The following FAM53C variants were observed in gnomAD, a reference collection of about 807,000 sequenced individuals.
FAM53C encodes the protein protein FAM53C.
FAM53C carries 10 observed loss-of-function variants against 34.7 expected under a neutral mutation model. The observed-to-expected ratio is 0.29, with a 90% confidence interval of 0.18 to 0.49. FAM53C has a LOEUF of 0.49. FAM53C is among the 20% of genes least tolerant of loss of function. The pLI, the probability that FAM53C is intolerant of heterozygous loss-of-function variation, is 0.99. For missense variants in FAM53C, 442 were observed against 515.3 expected (o/e 0.86, Z 1.38); for synonymous variants, 203 against 203.6 (o/e 1.00, Z 0.03).
intron 3 of FAM53C, 63 bp downstream of exon 3, chr5:138,341,929 C>A: frequency 6.5e-7 from 1 of 1,542,412 alleles, no homozygotes; most frequent in Non-Finnish European, 9.0e-7. Context: ...ACATTTCTAT[C>A]ATTGGTTTCC....
Position 138,345,252 on chromosome 5 carries a change from C to T in FAM53C, c.564C>T (p.Pro188=). The T allele has an allele frequency of 6.2e-7, 1 of 1,614,240 alleles. No individual in the cohort carries two copies. The highest frequency in any genetic ancestry group is 8.5e-7 in the Non-Finnish European group (1 of 1,180,038). The change falls in exon 4 of 5, where the codon CCC becomes CCT. Residue 188 remains proline, a synonymous_variant. Coordinates refer to ENST00000239906, the MANE Select transcript of FAM53C (RefSeq NM_016605.3). This position sits in a 1 kb window ranked among gnomAD's most constrained non-coding sequence, Gnocchi z 6.3. ...ASSQCAPAHR[P]YSPPFFSLAL... Reference sequence around the variant, plus strand: ...CTCAATGTGCCCCAGCTCACAGACCCTACAGCCCTCCTTTCTTCAGCCTGG... The same window carrying T: ...CTCAATGTGCCCCAGCTCACAGACCTTACAGCCCTCCTTTCTTCAGCCTGG...
upstream of FAM53C, chr5:138,338,232 CT>C: frequency 8.2e-7 from 1 of 1,222,370 alleles, no homozygotes. Context: ...GCGCCAGCGC[CT>C]TTTAAGGGCA....
chr5:138,338,341 C>T, intron 1 of FAM53C, 34 bp downstream of exon 1: 1 of 447,792 alleles, frequency 2.2e-6, no homozygotes, highest in African/African-American at 2.1e-5. Context: ...GCTGGGGCCT[C>T]GGGGCGGGCA....
rs746064598 is a variant in FAM53C, at chr5:138,338,300, G to C, written c.-160G>C. ...CCGGCCGCGGCCCTGGGAGCTGGAG[G>C]AACCGCGGTAGGTGGTGGAGGGCAG... On this transcript the variant is annotated 5_prime_UTR_variant, in exon 1 of 5. Coordinates refer to ENST00000239906, the MANE Select transcript of FAM53C (RefSeq NM_016605.3). The C allele has an allele frequency of 1.3e-5, 8 of 638,978 alleles. No homozygotes were observed. Among genetic ancestry groups the C allele is most frequent in the South Asian group, 7.4e-5 (5 of 67,808 alleles). 39.6% of individuals were successfully genotyped at this position (638,978 alleles called of 1,614,324 possible).
intron 3 of FAM53C, among the ~76,000 whole-genome samples, chr5:138,343,443 G>A (rs1033650236): frequency 9.9e-5 from 15 of 151,860 alleles, no homozygotes; most frequent in Middle Eastern, 3.4e-3. Context: ...CCAGGAGGCG[G>A]AGGTTGCAGT....
At position 138,346,541 on chromosome 5, in the gene FAM53C, G is replaced by A. The variant is rs1485440151; in HGVS notation, c.922-161G>A. ...GGGGAGGCTGAGGCAGGAGAATGGCGTGAACCCGGGAGGCAGAGCTTGCAG... is the reference window on the plus strand; with the variant it reads ...GGGGAGGCTGAGGCAGGAGAATGGCATGAACCCGGGAGGCAGAGCTTGCAG... On this transcript the variant is annotated intron_variant, in intron 4 of 4. Transcript: ENST00000239906. 4.6e-5 allele frequency among the ~76,000 whole-genome samples: 7 copies of A among 152,224 alleles called. No individual in the cohort carries two copies. The East Asian group carries it at 5.8e-4, about 13-fold the overall frequency.
In FAM53C at chr5:138,346,795, C is replaced by T. The variant is rs369095212; in HGVS notation, c.1015C>T (p.Leu339Phe). The T allele has an allele frequency of 1.9e-6, 3 of 1,614,082 alleles. No individual in the cohort carries two copies. The highest frequency in any genetic ancestry group is 2.5e-6 in the Non-Finnish European group (3 of 1,180,044). The change falls in exon 5 of 5, where the codon CTC becomes TTC. Residue 339 changes from leucine (L) to phenylalanine (F), a missense_variant. By Grantham distance (22) the Leu-to-Phe change is conservative. Transcript: ENST00000239906. ...PWFMACSPPPLSASCSPTGGS... is the reference protein window; with the variant it reads ...PWFMACSPPPFSASCSPTGGS... ...GTTCATGGCCTGTAGCCCCCCACCC[C>T]TCTCTGCTTCCTGCAGCCCCACTGG...
Position 138,341,390 on chromosome 5 carries a change from T to G in FAM53C, c.55T>G (p.Cys19Gly). ...LQKQTLDELKCTRFSISLPLP... is the reference protein window; with the variant it reads ...LQKQTLDELKGTRFSISLPLP... ...GAAGCAGACTCTGGATGAGCTGAAA[T>G]GCACACGCTTCAGCATCAGTCTGGT... The change falls in exon 2 of 5, where the codon TGC becomes GGC. Residue 19 changes from cysteine to glycine, a missense_variant. By Grantham distance (159) the Cys-to-Gly change is radical. Coordinates refer to ENST00000239906, the MANE Select transcript of FAM53C (RefSeq NM_016605.3). 6.2e-7 allele frequency: 1 copy of G among 1,613,980 alleles called. No homozygotes were observed. The highest frequency in any genetic ancestry group is 8.5e-7 in the Non-Finnish European group (1 of 1,179,892).
rs1285398006 is a variant in FAM53C at position 138,340,561 on chromosome 5, G to A, written c.-152-623G>A. 5.3e-5 allele frequency among the ~76,000 whole-genome samples: 8 copies of A among 152,324 alleles called. No homozygotes were observed. In the East Asian group the frequency reaches 1.3e-3, roughly 26 times the overall value. ...GCTAAAAACTTAGTTGAACAGTCAT[G>A]GAGTTGTTGTTTACGACGTCTGTAG... On this transcript the variant is annotated intron_variant, in intron 1 of 4. Transcript: ENST00000239906.
In FAM53C at chr5:138,347,074, C is replaced by A; in HGVS notation, c.*115C>A. 7.2e-7 allele frequency: 1 copy of A among 1,381,742 alleles called. No individual in the cohort carries two copies. Among genetic ancestry groups the A allele is most frequent in the Non-Finnish European group, 9.9e-7 (1 of 1,008,988 alleles). The allele number at this position is 1,381,742 out of a possible 1,614,324, so 85.6% of individuals were successfully genotyped here. Reference sequence around the variant, plus strand: ...GGGAATGGGGGTGAGTGGAGGGCTCCGACTCAGGGCAGCTGGAAATCTTCT... The same window carrying A: ...GGGAATGGGGGTGAGTGGAGGGCTCAGACTCAGGGCAGCTGGAAATCTTCT... On this transcript the variant is annotated 3_prime_UTR_variant, in exon 5 of 5. Coordinates refer to ENST00000239906, the MANE Select transcript of FAM53C (RefSeq NM_016605.3).
chr5:138,343,279 G>A (rs1761082087), intron 3 of FAM53C, among the ~76,000 whole-genome samples: 2 of 152,078 alleles, frequency 1.3e-5, no homozygotes, highest in African/African-American at 4.8e-5. Flanking sequence ...GGAGGCCGAG[G>A]TGGGCAGATA....
intron 3 of FAM53C, among the ~76,000 whole-genome samples, chr5:138,343,519 A>C (rs1324477312): frequency 6.6e-6 from 1 of 152,108 alleles, no homozygotes; most frequent in East Asian, 1.9e-4. Context: ...TCAAAAAAAA[A>C]AAAAAGAAAG....
chr5:138,341,175 A>G lies in FAM53C; in HGVS notation c.-152-9A>G. ...AATATCACTTGGGGCTGGTCCCTCT[A>G]ATTGGCAGACTCAGCAGGCATGACT... On this transcript the variant is annotated splice_polypyrimidine_tract_variant and intron_variant, in intron 1 of 4. Coordinates refer to ENST00000239906, the MANE Select transcript of FAM53C (RefSeq NM_016605.3). The G allele has an allele frequency of 1.3e-6, 1 of 754,278 alleles. No individual in the cohort carries two copies. Among genetic ancestry groups the G allele is most frequent in the South Asian group, 1.4e-5 (1 of 72,752 alleles). The allele number at this position is 754,278 out of a possible 1,614,324, so 46.7% of individuals were successfully genotyped here.
chr5:138,341,683 A>G (rs1170375933), intron 2 of FAM53C, 126 bp from the exon 3 acceptor site: 2 of 882,652 alleles, frequency 2.3e-6, no homozygotes, highest in Non-Finnish European at 3.8e-6. Context: ...AGACAAGAGG[A>G]AGAACACTTA....
chr5:138,346,607 G>A (rs1761183994), intron 4 of FAM53C, 95 bp from the exon 5 acceptor site: 1 of 1,480,630 alleles, frequency 6.8e-7, no homozygotes, highest in African/African-American at 1.4e-5. Flanking sequence ...CAGGGTGACA[G>A]AGTGAGACTC....
Position 138,348,077 on chromosome 5 carries a change from C to T in FAM53C, c.*1118C>T, listed in dbSNP as rs1761230699. 1 of 152,670 alleles carries T rather than the reference C, an allele frequency of 6.6e-6. No homozygotes were observed. The highest frequency in any genetic ancestry group is 1.5e-5 in the Non-Finnish European group (1 of 68,086). The allele number at this position is 152,670 out of a possible 1,614,324, so 9.5% of individuals were successfully genotyped here. A position where few individuals can be genotyped will look rare whatever the true frequency, so the allele number is the denominator to read the frequency against. On this transcript the variant is annotated 3_prime_UTR_variant, in exon 5 of 5. Transcript: ENST00000239906. ...CAATTCTTACAAGATCCAGGCCCAG[C>T]CTTTTTGACCTGCTTGAGAGGGAAG...
rs529511876 is a variant in FAM53C at position 138,341,803 on chromosome 5, T to C, written c.79-6T>C. ...CAAATCATGATGGATATTCTCTCTT[T>C]CTTAGCCTTTGCCTGATCATGCAGA... is the stretch of plus-strand genomic sequence containing the variant. On this transcript the variant is annotated splice_polypyrimidine_tract_variant and splice_region_variant and intron_variant, in intron 2 of 4. Coordinates refer to ENST00000239906, the MANE Select transcript of FAM53C (RefSeq NM_016605.3). The C allele has an allele frequency of 6.2e-6, 10 of 1,614,076 alleles. No individual in the cohort carries two copies. The African/African-American group carries it at 9.3e-5, about 15-fold the overall frequency.
chr5:138,338,084 C>G (rs1351774299), upstream of FAM53C: 1 of 1,289,672 alleles, frequency 7.8e-7, no homozygotes, highest in African/African-American at 1.5e-5. Context: ...AATCAAAGCG[C>G]CAGGCTCGTT....
chr5:138,339,565 G>C (rs1322523313), intron 1 of FAM53C, among the ~76,000 whole-genome samples: 1 of 152,218 alleles, frequency 6.6e-6, no homozygotes, highest in African/African-American at 2.4e-5. Flanking sequence ...GCTCCTCATA[G>C]CTGGTTAGCC....
Sources: allele counts gnomAD v4.1 joint callset (sites outside exome capture counted in the v4.1 genomes callset), GRCh38; gene constraint gnomAD v4.1.1; non-coding constraint Gnocchi (gnomAD v3.1); transcripts MANE v1.5; gene names NCBI Gene and HGNC (gene_info 2026-07-23, HGNC 2026-07-21).